Variants in MYO10 observed in about 807,000 individuals in gnomAD.
MYO10 encodes unconventional myosin-X.
MYO10 carries 133 observed loss-of-function variants against 257.3 expected under a neutral mutation model. The observed-to-expected ratio is 0.52, with a 90% CI of 0.45 to 0.60. The LOEUF (loss-of-function observed/expected upper bound fraction) is 0.60. MYO10 is among the 20% of genes least tolerant of loss of function. MYO10 has a pLI of 0.00. For missense variants in MYO10, 2,399 were observed against 2,635.7 expected (o/e 0.91, Z 1.97); for synonymous variants, 1,104 against 1,028.6 (o/e 1.07, Z -1.40).
At chr5:16,803,018 T>G (rs1384505268) in intron 3 of MYO10, among the ~76,000 whole-genome samples, 1 of 151,996 alleles carries the variant, frequency 6.6e-6, no homozygotes, top group Non-Finnish European at 1.5e-5. Flanking sequence ...GGTGGGAGGA[T>G]GGCTTGAGCC....
chr5:16,928,087 C>T (rs752592012), intron 1 of MYO10, among the ~76,000 whole-genome samples: 1 of 152,202 alleles, frequency 6.6e-6, no homozygotes, highest in African/African-American at 2.4e-5. Flanking sequence ...TCAAGTAACA[C>T]TTCACTAATT....
chr5:16,809,350 G>A (rs1176935165), intron 3 of MYO10, among the ~76,000 whole-genome samples: 1 of 152,236 alleles, frequency 6.6e-6, no homozygotes, highest in Admixed American at 6.5e-5. Context: ...GACTTGACTC[G>A]AGCCTTGGAA....
intron 1 of MYO10, among the ~76,000 whole-genome samples, chr5:16,883,455 T>C (rs1020726098): frequency 7.9e-5 from 12 of 152,182 alleles, no homozygotes; most frequent in African/African-American, 2.2e-4. Flanking sequence ...CGCAGGAGAC[T>C]TGCCCAAGCT....
chr5:16,694,986 G>T (rs1161048761), intron 26 of MYO10, among the ~76,000 whole-genome samples: 1 of 152,216 alleles, frequency 6.6e-6, no homozygotes, highest in Non-Finnish European at 1.5e-5. Context: ...ATCCCAAAAT[G>T]CACCAGAGAG....
chr5:16,776,344 G>A (rs1040204713), intron 9 of MYO10, among the ~76,000 whole-genome samples: 2 of 151,718 alleles, frequency 1.3e-5, no homozygotes, highest in Admixed American at 1.3e-4. Context: ...TCCAGTACAA[G>A]GTTAAAGAGT....
At position 16,760,962 on chromosome 5, in the gene MYO10, A is replaced by G. The variant is rs186998500; in HGVS notation, c.1739+502T>C. Among the ~76,000 whole-genome samples, 334 of 150,662 alleles carry G rather than the reference A, an allele frequency of 2.2e-3. 3 individuals carry two copies. Among genetic ancestry groups the G allele is most frequent in the African/African-American group, 7.6e-3 (313 of 40,924 alleles). On this transcript the variant is annotated intron_variant, in intron 17 of 40. Coordinates refer to ENST00000513610, the MANE Select transcript of MYO10 (RefSeq NM_012334.3). ...CCTCACTAAATGGCAGTCATTGCTT[A>G]TATTATTATTATTATTATTAATTTA...
chr5:16,753,216 G>A (rs886930676), intron 19 of MYO10, among the ~76,000 whole-genome samples: 6 of 152,178 alleles, frequency 3.9e-5, no homozygotes, highest in African/African-American at 1.4e-4. Context: ...GCCCAGGATG[G>A]AGTGCAGTGG....
intron 2 of MYO10, among the ~76,000 whole-genome samples, chr5:16,834,085 T>C (rs1161523288): frequency 6.6e-6 from 1 of 152,144 alleles, no homozygotes; most frequent in Admixed American, 6.5e-5. Context: ...TTTGAGTCCC[T>C]GTAAGGGTTA....
chr5:16,709,840 T>C (rs1738514744), intron 21 of MYO10, among the ~76,000 whole-genome samples: 2 of 152,162 alleles, frequency 1.3e-5, no homozygotes. Flanking sequence ...CTCTACCCTG[T>C]TTTGTGTTTA....
intron 2 of MYO10, among the ~76,000 whole-genome samples, chr5:16,847,026 A>G (rs1743653705): frequency 6.6e-6 from 1 of 152,144 alleles, no homozygotes. Flanking sequence ...GTTACGGCAC[A>G]AGAATCACTT....
chr5:16,824,355 T>C (rs1742937460), intron 2 of MYO10, among the ~76,000 whole-genome samples: 1 of 152,050 alleles, frequency 6.6e-6, no homozygotes, highest in Non-Finnish European at 1.5e-5. Context: ...TTTTTGGTTG[T>C]TAGAATTTGG....
chr5:16,885,615 T>C (rs1744875395), intron 1 of MYO10, among the ~76,000 whole-genome samples: 1 of 151,620 alleles, frequency 6.6e-6, no homozygotes, highest in Non-Finnish European at 1.5e-5. Context: ...GAGGTTGCAG[T>C]GAGCCAAGAT....
chr5:16,713,513 A>G (rs1389657119), intron 19 of MYO10: 1 of 984,912 alleles, frequency 1.0e-6, no homozygotes, highest in Non-Finnish European at 1.2e-6. Context: ...TTCTCGGGCT[A>G]ATTAGTGTGG....
intron 1 of MYO10, chr5:16,916,563 C>T (rs571232749): frequency 2.5e-5 from 4 of 159,382 alleles, no homozygotes; most frequent in African/African-American, 9.6e-5. Flanking sequence ...AATTTCATTT[C>T]CCTCCTGCCT....
intron 1 of MYO10, among the ~76,000 whole-genome samples, chr5:16,896,657 G>A (rs1745227455): frequency 6.6e-6 from 1 of 152,144 alleles, no homozygotes; most frequent in Non-Finnish European, 1.5e-5. Context: ...TGTCTTTACA[G>A]CAGAATCAGA....
chr5:16,884,697 T>C (rs944261561), intron 1 of MYO10, among the ~76,000 whole-genome samples: 9 of 145,468 alleles, frequency 6.2e-5, no homozygotes, highest in African/African-American at 2.2e-4. Flanking sequence ...GGAGTTATCT[T>C]TCCAACTTAC....
intron 1 of MYO10, among the ~76,000 whole-genome samples, chr5:16,935,560 C>T (rs1356309816): frequency 1.3e-5 from 2 of 152,112 alleles, no homozygotes; most frequent in African/African-American, 4.8e-5. Context: ...CGGAAACGCA[C>T]CTTCGCTACC....
In MYO10 at chr5:16,877,651, G is replaced by A. The variant is rs1194895258; in HGVS notation, c.78C>T (p.Ser26=). ...NGQHFPSTVN[S]CAEGIVVFRT... ...GGAAGACGACGATGCCTTCTGCACAGGAATTTACAGTACTTGGAAAATGCT... is the reference window on the plus strand; with the variant it reads ...GGAAGACGACGATGCCTTCTGCACAAGAATTTACAGTACTTGGAAAATGCT... Residue 26 remains serine (S), a synonymous_variant, in exon 2 of 41, where the codon TCC becomes TCT. Transcript: ENST00000513610. 1 of 1,613,834 alleles carries A rather than the reference G, an allele frequency of 6.2e-7. No individual in the cohort carries two copies. Among genetic ancestry groups the A allele is most frequent in the Non-Finnish European group, 8.5e-7 (1 of 1,179,878 alleles).
rs183879487 is a variant in MYO10, at chr5:16,669,499, C to T, written c.5883+1027G>A. 6.2e-4 allele frequency among the ~76,000 whole-genome samples: 94 copies of T among 152,214 alleles called. 1 individual carries two copies. Among genetic ancestry groups the T allele is most frequent in the Middle Eastern group, 3.4e-3 (1 of 294 alleles). On this transcript the variant is annotated intron_variant, in intron 39 of 40. Transcript: ENST00000513610. ...GATTACAGGCATGAGCCACCGCGCC[C>T]GGCCAAGCCAGTAGCTTTCTATGCT...
Sources: allele counts gnomAD v4.1 joint callset (sites outside exome capture counted in the v4.1 genomes callset), GRCh38; gene constraint gnomAD v4.1.1; transcripts MANE v1.5; gene names NCBI Gene and HGNC (gene_info 2026-07-23, HGNC 2026-07-21).